The following SGK1 variants were observed in gnomAD, a reference collection of about 807,000 sequenced individuals.
SGK1 encodes the protein serine/threonine-protein kinase Sgk1.
In SGK1, 26 loss-of-function variants were observed where a neutral mutation model predicts 64.2. The ratio of observed to expected loss-of-function variants is 0.40; its 90% CI spans 0.30 to 0.56. SGK1 has a LOEUF of 0.56. Among genes scored for constraint, SGK1 ranks in the 20% least tolerant of loss-of-function variants. The pLI is 0.38. For synonymous variants in SGK1, 265 were observed against 239.7 expected (o/e 1.11, Z -0.98); for missense variants, 519 against 645.6 (o/e 0.80, Z 2.12).
At chr6:134,315,846 C>T (rs1449305118) in intron 1 of SGK1, among the ~76,000 whole-genome samples, 2 of 151,896 alleles carry the variant, frequency 1.3e-5, no homozygotes, top group African/African-American at 4.8e-5. Context: ...TCAAGACCAC[C>T]CTGGGCAATA....
At chr6:134,190,712 A>C (rs962269949) in intron 3 of SGK1, among the ~76,000 whole-genome samples, 1 of 152,176 alleles carries the variant, frequency 6.6e-6, no homozygotes, top group East Asian at 1.9e-4. Context: ...ACCTTGCAAA[A>C]TCCCTCAGGA....
At chr6:134,239,999 A>T (rs1036226704) in intron 2 of SGK1, among the ~76,000 whole-genome samples, 3 of 152,112 alleles carry the variant, frequency 2.0e-5, no homozygotes, top group African/African-American at 7.2e-5. Context: ...CCTAGTCAGG[A>T]GGGAACTGCA....
At chr6:134,189,489 A>G (rs1775475433) in intron 3 of SGK1, among the ~76,000 whole-genome samples, 1 of 152,174 alleles carries the variant, frequency 6.6e-6, no homozygotes, top group Non-Finnish European at 1.5e-5. Flanking sequence ...CTACTATAAT[A>G]TTACTTATTA....
At chr6:134,205,820 C>T (rs1018254851) in intron 3 of SGK1, among the ~76,000 whole-genome samples, 4 of 152,138 alleles carry the variant, frequency 2.6e-5, no homozygotes, top group Admixed American at 6.5e-5. Flanking sequence ...CAGATATCAG[C>T]GTGAGTTTTC....
At position 134,235,874 on chromosome 6, in the gene SGK1, C is replaced by A. The variant is rs536527364; in HGVS notation, c.285+26059G>T. On this transcript the variant is annotated intron_variant, in intron 2 of 13. Coordinates refer to ENST00000367858, the MANE Select transcript of SGK1 (RefSeq NM_001143676.3). Reference sequence around the variant, plus strand: ...ATAGGTGTGAGCCGCCGCACCTGGCCATAGATATTTTAGATAAGGAACAAG... The same window carrying A: ...ATAGGTGTGAGCCGCCGCACCTGGCAATAGATATTTTAGATAAGGAACAAG... Among the ~76,000 whole-genome samples the A allele has an allele frequency of 4.6e-5, 7 of 152,090 alleles. No homozygotes were observed. In the South Asian group the frequency reaches 1.5e-3, roughly 32 times the overall value.
intron 3 of SGK1, among the ~76,000 whole-genome samples, chr6:134,206,226 T>A (rs1300511492): frequency 1.1e-4 from 17 of 151,282 alleles, no homozygotes; most frequent in Non-Finnish European, 2.2e-4. Context: ...CTTGGACTCA[T>A]GTGTTTGCCC....
intron 1 of SGK1, among the ~76,000 whole-genome samples, chr6:134,264,414 T>C (rs1012207644): frequency 2.6e-5 from 4 of 152,084 alleles, no homozygotes; most frequent in Non-Finnish European, 4.4e-5. Context: ...CCACTGCGCC[T>C]GGCCATGAGC....
At chr6:134,293,750 A>C (rs761722910) in intron 1 of SGK1, among the ~76,000 whole-genome samples, 24 of 152,150 alleles carry the variant, frequency 1.6e-4, no homozygotes, top group Non-Finnish European at 2.5e-4. Context: ...TAATTATCTG[A>C]TTTACAAAAA....
chr6:134,186,085 C>T (rs992799688), intron 3 of SGK1, among the ~76,000 whole-genome samples: 1 of 152,198 alleles, frequency 6.6e-6, no homozygotes, highest in African/African-American at 2.4e-5. Flanking sequence ...CAGTTCTCTA[C>T]GTATTCCTTA....
At chr6:134,247,681 A>G (rs190344983) in intron 2 of SGK1, among the ~76,000 whole-genome samples, 4 of 152,318 alleles carry the variant, frequency 2.6e-5, no homozygotes, top group African/African-American at 9.6e-5. Flanking sequence ...AGATTGATGT[A>G]CCATGCCTGA....
chr6:134,180,139 A>T (rs1410498764), intron 3 of SGK1: 2 of 152,144 alleles, frequency 1.3e-5, no homozygotes, highest in African/African-American at 4.8e-5. Context: ...TCTTTTGTAG[A>T]CACATGGTCT....
intron 2 of SGK1, among the ~76,000 whole-genome samples, chr6:134,208,054 G>A (rs1380894018): frequency 1.3e-5 from 2 of 152,080 alleles, no homozygotes; most frequent in African/African-American, 4.8e-5. Flanking sequence ...TGGGATTATA[G>A]GCGTGTGCCA....
Position 134,171,661 on chromosome 6 carries a change from G to A in SGK1, c.1143C>T (p.Val381=). The A allele has an allele frequency of 4.3e-6, 7 of 1,613,730 alleles. No individual in the cohort carries two copies. The highest frequency in any genetic ancestry group is 5.9e-6 in the Non-Finnish European group (7 of 1,179,660). The change falls in exon 11 of 14, where the codon GTC becomes GTT. Residue 381 remains valine (V), a synonymous_variant. Transcript: ENST00000367858. The part of the protein sequence containing the change: ...RTVDWWCLGA[V]LYEMLYGLPP... Reference sequence around the variant, plus strand: ...CCAGGCCATACAGCATCTCATACAAGACAGCTCCCAGGCACCACCAGTCCA... The same window carrying A: ...CCAGGCCATACAGCATCTCATACAAAACAGCTCCCAGGCACCACCAGTCCA...
chr6:134,214,377 G>A (rs1184312424), intron 2 of SGK1, among the ~76,000 whole-genome samples: 2 of 152,188 alleles, frequency 1.3e-5, no homozygotes, highest in Non-Finnish European at 2.9e-5. Context: ...GATCAACTGA[G>A]GTCAGGCGTT....
chr6:134,255,025 C>G (rs138746356), intron 2 of SGK1, among the ~76,000 whole-genome samples: 7 of 152,106 alleles, frequency 4.6e-5, no homozygotes, highest in African/African-American at 1.7e-4. Flanking sequence ...TGCGCCACCA[C>G]GCCTGGCTAA....
At chr6:134,311,480 T>TAA (rs879281450) in intron 1 of SGK1, among the ~76,000 whole-genome samples, 3 of 145,024 alleles carry the variant, frequency 2.1e-5, no homozygotes, top group East Asian at 4.0e-4. Flanking sequence ...CTGTCTCTAC[T>TAA]AAAAAAAAAA....
At chr6:134,223,904 A>G (rs943808195) in intron 2 of SGK1, among the ~76,000 whole-genome samples, 1 of 152,216 alleles carries the variant, frequency 6.6e-6, no homozygotes, top group African/African-American at 2.4e-5. Flanking sequence ...TATTTCTTAT[A>G]TGCCTTGGCT....
chr6:134,225,370 A>T (rs1263429312), intron 2 of SGK1, among the ~76,000 whole-genome samples: 1 of 149,740 alleles, frequency 6.7e-6, no homozygotes, highest in African/African-American at 2.5e-5. Flanking sequence ...AAAAAAAAAG[A>T]AAAGAAATAT....
At chr6:134,266,769 T>A in intron 1 of SGK1, among the ~76,000 whole-genome samples, 1 of 152,238 alleles carries the variant, frequency 6.6e-6, no homozygotes, top group East Asian at 1.9e-4. Context: ...AATGAAACTT[T>A]AAAAGTTTGA....
Sources: gnomAD v4.1 joint callset for allele counts (sites outside exome capture counted in the v4.1 genomes callset) on GRCh38, gnomAD v4.1.1 for gene constraint, MANE v1.5 for transcripts, NCBI Gene and HGNC (gene_info 2026-07-23, HGNC 2026-07-21) for gene names.